The following GPC5 variants were observed in gnomAD, a reference collection of about 807,000 sequenced individuals.
The protein encoded by GPC5 is glypican-5.
A neutral mutation model predicts 53.9 loss-of-function variants in GPC5; 47 were observed. That is an observed-to-expected ratio of 0.87 (90% CI 0.69 to 1.11). The LOEUF (loss-of-function observed/expected upper bound fraction) is 1.11, where lower values mean the gene tolerates loss of function less well. GPC5 is among the 50% of genes most tolerant of loss of function. The pLI is 0.00. For missense variants in GPC5, 748 were observed against 713.1 expected (o/e 1.05, Z -0.56); for synonymous variants, 286 against 263.3 (o/e 1.09, Z -0.84).
At position 91,571,947 on chromosome 13, in the gene GPC5, A is replaced by C. The variant is rs1373966393; in HGVS notation, c.326-121240A>C. 2.2e-5 allele frequency among the ~76,000 whole-genome samples: 3 copies of C among 139,090 alleles called. 1 individual carries two copies. The highest frequency in any genetic ancestry group is 4.7e-5 in the Non-Finnish European group (3 of 63,632). The allele number at this position is 139,090 out of a possible 152,430, so 91.2% of individuals were successfully genotyped here. ...TGTATATATACACACATGTATATAC[A>C]TATACACACATATATGTATATATGT... On this transcript the variant is annotated intron_variant, in intron 2 of 7. Transcript: ENST00000377067.
chr13:92,708,857 CTTTTTTTTTTTTTTTTTTTTT>C (rs752130758), intron 7 of GPC5, among the ~76,000 whole-genome samples: 11 of 48,182 alleles, frequency 2.3e-4, no homozygotes, highest in Non-Finnish European at 3.3e-4. Context: ...TGGAAACCGC[CTTTTTTTTTTTTTTTTTTTTT>C]TTTTTTTTTT....
At chr13:91,922,328 C>A (rs1008594970) in intron 6 of GPC5, among the ~76,000 whole-genome samples, 5 of 152,050 alleles carry the variant, frequency 3.3e-5, no homozygotes, top group African/African-American at 1.2e-4. Context: ...TAAAGGCGAA[C>A]TTTGCATCAT....
chr13:92,557,445 C>G (rs1297922383), intron 7 of GPC5, among the ~76,000 whole-genome samples: 3 of 151,868 alleles, frequency 2.0e-5, no homozygotes, highest in Non-Finnish European at 2.9e-5. Flanking sequence ...TACTTTACCC[C>G]TAATTGGAAT....
intron 7 of GPC5, among the ~76,000 whole-genome samples, chr13:92,755,484 C>T (rs946319700): frequency 6.6e-6 from 1 of 151,802 alleles, no homozygotes; most frequent in Non-Finnish European, 1.5e-5. Flanking sequence ...AAAATCAGAG[C>T]AGAACTGAAG....
At chr13:91,871,177 C>T (rs149987687) in intron 5 of GPC5, among the ~76,000 whole-genome samples, 2 of 152,282 alleles carry the variant, frequency 1.3e-5, no homozygotes, top group East Asian at 3.9e-4. Flanking sequence ...GATTTTGGAA[C>T]ATTTTCAATT....
intron 7 of GPC5, among the ~76,000 whole-genome samples, chr13:92,783,586 A>T (rs536668655): frequency 6.6e-6 from 1 of 152,308 alleles, no homozygotes; most frequent in Admixed American, 6.5e-5. Flanking sequence ...TGTTAGTTGG[A>T]TGGATCTTAC....
At chr13:92,751,773 A>G (rs1393745775) in intron 7 of GPC5, among the ~76,000 whole-genome samples, 4 of 135,040 alleles carry the variant, frequency 3.0e-5, no homozygotes, top group Non-Finnish European at 4.7e-5. Flanking sequence ...AAACACTTCA[A>G]TACTTAGCGT....
At chr13:92,598,628 G>A (rs1376152083) in intron 7 of GPC5, among the ~76,000 whole-genome samples, 2 of 152,110 alleles carry the variant, frequency 1.3e-5, no homozygotes, top group Non-Finnish European at 2.9e-5. Context: ...TGTGGAACGA[G>A]TTTAAAGAAA....
chr13:92,784,527 A>G (rs566738468), intron 7 of GPC5, among the ~76,000 whole-genome samples: 1 of 152,230 alleles, frequency 6.6e-6, no homozygotes, highest in Non-Finnish European at 1.5e-5. Flanking sequence ...CAGCATATCT[A>G]AAAGGTCACT....
At chr13:91,576,301 A>C (rs1236610012) in intron 2 of GPC5, among the ~76,000 whole-genome samples, 1 of 123,850 alleles carries the variant, frequency 8.1e-6, no homozygotes, top group African/African-American at 3.2e-5. Context: ...AATTAGTTTA[A>C]TTTAGCCAAT....
intron 3 of GPC5, among the ~76,000 whole-genome samples, chr13:91,697,258 T>C: frequency 6.6e-6 from 1 of 152,166 alleles, no homozygotes; most frequent in Admixed American, 6.5e-5. Context: ...TTCTCCTGCC[T>C]CAGCCTCCCA....
chr13:92,038,416 G>A lies in GPC5; in HGVS notation c.1402-106414G>A, dbSNP rs75083320. Among the ~76,000 whole-genome samples, 845 of 150,394 alleles carry A rather than the reference G, an allele frequency of 5.6e-3. 12 individuals are homozygous for A. Among genetic ancestry groups the A allele is most frequent in the African/African-American group, 0.02 (809 of 40,914 alleles). On this transcript the variant is annotated intron_variant, in intron 6 of 7. Coordinates refer to ENST00000377067, the MANE Select transcript of GPC5 (RefSeq NM_004466.6). ...GATAGATCGATCCCTGTTTGGGTGG[G>A]GCATGGGATGTTCAACTCTGTATAG...
chr13:91,488,802 G>C (rs1216563669), intron 2 of GPC5, among the ~76,000 whole-genome samples: 1 of 152,226 alleles, frequency 6.6e-6, no homozygotes, highest in Non-Finnish European at 1.5e-5. Context: ...CTGCTGGTGA[G>C]CCAGGCCAAC....
chr13:92,567,482 G>A (rs1185662557), intron 7 of GPC5, among the ~76,000 whole-genome samples: 3 of 152,054 alleles, frequency 2.0e-5, no homozygotes, highest in African/African-American at 7.2e-5. Flanking sequence ...GTGGAATTAA[G>A]GTTAAAAATG....
intron 3 of GPC5, among the ~76,000 whole-genome samples, chr13:91,715,437 C>T (rs1228499011): frequency 6.6e-6 from 1 of 152,090 alleles, no homozygotes; most frequent in South Asian, 2.1e-4. Flanking sequence ...ATTTAAGTGA[C>T]AAAATCTGTC....
chr13:91,982,177 T>C (rs1296475529), intron 6 of GPC5, among the ~76,000 whole-genome samples: 2 of 152,042 alleles, frequency 1.3e-5, no homozygotes, highest in East Asian at 1.9e-4. Flanking sequence ...GAGGCAGAGG[T>C]CATTCATGAG....
intron 6 of GPC5, among the ~76,000 whole-genome samples, chr13:91,998,896 A>G (rs1594714999): frequency 6.6e-6 from 1 of 152,344 alleles, no homozygotes; most frequent in Non-Finnish European, 1.5e-5. Context: ...TGAACTGTCC[A>G]TTCAAAGGGC....
chr13:92,053,570 A>G (rs1391125519), intron 6 of GPC5, among the ~76,000 whole-genome samples: 1 of 151,334 alleles, frequency 6.6e-6, no homozygotes, highest in Non-Finnish European at 1.5e-5. Flanking sequence ...TTCTCTTCCT[A>G]TATTTGTTTT....
chr13:92,539,965 A>C (rs1881880147), intron 7 of GPC5, among the ~76,000 whole-genome samples: 1 of 151,922 alleles, frequency 6.6e-6, no homozygotes, highest in Admixed American at 6.6e-5. Flanking sequence ...TTCTTTTCTG[A>C]ATTTTCTATA....
Sources: allele counts gnomAD v4.1 joint callset (sites outside exome capture counted in the v4.1 genomes callset), GRCh38; gene constraint gnomAD v4.1.1; transcripts MANE v1.5; gene names NCBI Gene and HGNC (gene_info 2026-07-23, HGNC 2026-07-21).